FAM83G: variants seen among roughly 807,000 people sequenced by gnomAD.
FAM83G encodes protein FAM83G.
Under a neutral mutation model 61.5 loss-of-function variants are expected in FAM83G, and 38 were observed. The ratio of observed to expected loss-of-function variants is 0.62; its 90% CI spans 0.48 to 0.81. The LOEUF is 0.81. Ranked by LOEUF, FAM83G falls within the 30% of genes least tolerant of loss-of-function variation. FAM83G has a pLI of 0.00. For missense variants in FAM83G, 989 were observed against 1,133.6 expected, an observed-to-expected ratio of 0.87 and a Z score of 1.83; for synonymous variants, 470 against 476.1, an observed-to-expected ratio of 0.99 and a Z score of 0.17.
chr17:18,990,746 A>G (rs1038280714), intron 2 of FAM83G, among the ~76,000 whole-genome samples: 7 of 152,146 alleles, frequency 4.6e-5, no homozygotes, highest in Non-Finnish European at 1.0e-4. Flanking sequence ...GTGGTCAGAG[A>G]TGGGTTTGTA....
Position 18,971,762 on chromosome 17 carries a change from A to C in FAM83G, c.2083-14T>G. 1 of 1,546,852 alleles carries C rather than the reference A, an allele frequency of 6.5e-7. No individual in the cohort carries two copies. Among genetic ancestry groups the C allele is most frequent in the Non-Finnish European group, 8.7e-7 (1 of 1,145,016 alleles). ...AAACTGCTGGCCCTGGGAGAGAGAG[A>C]GCAGAGAGTGAGGCTGAGCAAGAAG... is the stretch of plus-strand genomic sequence containing the variant. On this transcript the variant is annotated splice_polypyrimidine_tract_variant and intron_variant, in intron 5 of 5. Transcript: ENST00000388995. The surrounding 1 kb of genome is among the most constrained non-coding windows in gnomAD (Gnocchi z 5.5).
intron 2 of FAM83G, among the ~76,000 whole-genome samples, chr17:18,990,558 G>C (rs918616123): frequency 6.6e-6 from 1 of 152,208 alleles, no homozygotes; most frequent in Non-Finnish European, 1.5e-5. Context: ...GCTTGGGCTG[G>C]GGGACGTGCC....
At position 18,970,864 on chromosome 17, in the gene FAM83G, C is replaced by T. The variant is rs1459686915; in HGVS notation, c.*495G>A. 1 of 668,966 alleles carries T rather than the reference C, an allele frequency of 1.5e-6. No homozygotes were observed. Among genetic ancestry groups the T allele is most frequent in the African/African-American group, 1.8e-5 (1 of 55,386 alleles). The allele number at this position is 668,966 out of a possible 1,614,324, so 41.4% of individuals were successfully genotyped here. A position where few individuals can be genotyped will look rare whatever the true frequency, so the allele number is the denominator to read the frequency against. On this transcript the variant is annotated 3_prime_UTR_variant, in exon 6 of 6. Transcript: ENST00000388995. Reference sequence around the variant, plus strand: ...AAAAAAAAACAACCCTCTACCCTCACACCTTTCCAAACACTGGGAAAGATG... The same window carrying T: ...AAAAAAAAACAACCCTCTACCCTCATACCTTTCCAAACACTGGGAAAGATG...
At position 18,988,461 on chromosome 17, in the gene FAM83G, G is replaced by A. The variant is rs143893726; in HGVS notation, c.523-47C>T. The A allele has an allele frequency of 3.4e-3, 5,430 of 1,598,324 alleles. 145 individuals are homozygous for A. In the African/African-American group the frequency reaches 0.06, roughly 18 times the overall value. On this transcript the variant is annotated intron_variant, in intron 2 of 5. Transcript: ENST00000388995. ...AGGGCCTGTCAGACAGTGCAGCAGT[G>A]GGGACAGGGTGCCCTGGCAGAGCGC... is the stretch of plus-strand genomic sequence containing the variant.
At chr17:18,986,077 G>C (rs1421427241) in intron 3 of FAM83G, 2 of 152,324 alleles carry the variant, frequency 1.3e-5, no homozygotes, top group African/African-American at 4.8e-5. Flanking sequence ...CACACACCCA[G>C]GACCCACAGC....
At position 18,969,525 on chromosome 17, in the gene FAM83G, G is replaced by A. The variant is rs2042786495; in HGVS notation, c.*1834C>T. The A allele has an allele frequency of 2.7e-6, 3 of 1,127,692 alleles. No homozygotes were observed. Among genetic ancestry groups the A allele is most frequent in the African/African-American group, 1.5e-5 (1 of 64,686 alleles). The allele number at this position is 1,127,692 out of a possible 1,614,324, so 69.9% of individuals were successfully genotyped here. On this transcript the variant is annotated 3_prime_UTR_variant, in exon 6 of 6. Transcript: ENST00000388995. ...GCAGGATTCATGCCGTTGGGGTTCTGGGTAGCATCGCTGGGAGTGGGTGGG... is the reference window on the plus strand; with the variant it reads ...GCAGGATTCATGCCGTTGGGGTTCTAGGTAGCATCGCTGGGAGTGGGTGGG...
chr17:18,979,555 G>A lies in FAM83G; in HGVS notation c.809C>T (p.Ser270Phe). 2 of 1,613,312 alleles carry A rather than the reference G, an allele frequency of 1.2e-6. No individual in the cohort carries two copies. The part of the protein sequence containing the change: ...FVDGDRAVCG[S>F]YSFTWSAART... ...CTGAAAGCTGGAGAGTCACCTGTAG[G>A]AGCCGCACACAGCCCGGTCTCCATC... Residue 270 changes from serine (S) to phenylalanine (F), a missense_variant, in exon 4 of 6, where the codon TCC (serine) becomes TTC (phenylalanine). This residue lies in a region of FAM83G where 371 missense variants were observed against 404.5 expected (regional missense o/e 0.92). Coordinates refer to ENST00000388995, the MANE Select transcript of FAM83G (RefSeq NM_001039999.3).
chr17:18,978,159 G>C lies in FAM83G; in HGVS notation c.1507C>G (p.Pro503Ala). ...GGGACTGTCCGGGGCTTGGGCACGG[G>C]GGGCAATGGCTCAGGGTCCCCCTGG... ...LPQGDPEPLP[P>A]VPKPRTVPVA... is the part of the protein sequence containing the mutation. The change falls in exon 5 of 6, where the codon CCC (proline) becomes GCC (alanine). Residue 503 changes from proline to alanine, a missense_variant. Transcript: ENST00000388995. 1 of 1,531,354 alleles carries C rather than the reference G, an allele frequency of 6.5e-7. No individual in the cohort carries two copies. The highest frequency in any genetic ancestry group is 8.8e-7 in the Non-Finnish European group (1 of 1,142,738). The allele number at this position is 1,531,354 out of a possible 1,614,324, so 94.9% of individuals were successfully genotyped here. A position where few individuals can be genotyped will look rare whatever the true frequency, so the allele number is the denominator to read the frequency against.
At chr17:18,976,805 C>A (rs1341236037) in intron 5 of FAM83G, 1 of 1,603,268 alleles carries the variant, frequency 6.2e-7, no homozygotes, top group South Asian at 1.1e-5. Context: ...AATCCTGACA[C>A]AAGTGTCCCT....
chr17:18,979,550 T>C lies in FAM83G; in HGVS notation c.814A>G (p.Ser272Gly). 6.2e-7 allele frequency: 1 copy of C among 1,613,148 alleles called. No homozygotes were observed. Among genetic ancestry groups the C allele is most frequent in the Non-Finnish European group, 8.5e-7 (1 of 1,179,868 alleles). Residue 272 changes from serine (S) to glycine (G), a missense_variant and splice_region_variant, in exon 4 of 6, where the codon AGC (serine) becomes GGC (glycine). Coordinates refer to ENST00000388995, the MANE Select transcript of FAM83G (RefSeq NM_001039999.3). ...DGDRAVCGSYSFTWSAARTDR... is the reference protein window; with the variant it reads ...DGDRAVCGSYGFTWSAARTDR... The stretch of plus-strand genomic sequence containing the variant: ...CTTCCCTGAAAGCTGGAGAGTCACC[T>C]GTAGGAGCCGCACACAGCCCGGTCT...
At chr17:18,980,802 C>G (rs955666381) in intron 3 of FAM83G, among the ~76,000 whole-genome samples, 1 of 152,110 alleles carries the variant, frequency 6.6e-6, no homozygotes, top group Non-Finnish European at 1.5e-5. Flanking sequence ...AAGAAATGCT[C>G]CTGGGTGCCC....
In FAM83G at chr17:18,968,863, G is replaced by C. The variant is rs1483463741; in HGVS notation, c.*2496C>G. On this transcript the variant is annotated 3_prime_UTR_variant, in exon 6 of 6. Transcript: ENST00000388995. This position sits in a 1 kb window ranked among gnomAD's most constrained non-coding sequence, Gnocchi z 4.1. ...CCCCTGACATCCGCACAAGCTTGTA[G>C]CTCCACGGCCAGGTCTTCCCCCAAC... is the stretch of plus-strand genomic sequence containing the variant. 8 of 591,598 alleles carry C rather than the reference G, an allele frequency of 1.4e-5. No individual in the cohort carries two copies. The highest frequency in any genetic ancestry group is 8.4e-5 in the South Asian group (4 of 47,654). 36.6% of individuals were successfully genotyped at this position (591,598 alleles called of 1,614,324 possible).
At chr17:18,990,861 G>A (rs1374461541) in intron 2 of FAM83G, among the ~76,000 whole-genome samples, 7 of 152,210 alleles carry the variant, frequency 4.6e-5, no homozygotes, top group African/African-American at 1.7e-4. Context: ...TTTCTTGGGG[G>A]CCCTTGAGTC....
Position 19,004,243 on chromosome 17 carries a change from C to A in FAM83G, c.-128-74G>T, listed in dbSNP as rs1179676441. 1.9e-6 allele frequency: 1 copy of A among 535,630 alleles called. No individual in the cohort carries two copies. Among genetic ancestry groups the A allele is most frequent in the African/African-American group, 2.0e-5 (1 of 48,848 alleles). The allele number at this position is 535,630 out of a possible 1,614,324, so 33.2% of individuals were successfully genotyped here. ...GCGGGGAGGGGCGGCGGGGGCGGGGCCGGGAACTCAGGTGGGCGTGGGAAG... is the reference window on the plus strand; with the variant it reads ...GCGGGGAGGGGCGGCGGGGGCGGGGACGGGAACTCAGGTGGGCGTGGGAAG... On this transcript the variant is annotated intron_variant, in intron 1 of 5. Transcript: ENST00000388995. This position sits in a 1 kb window ranked among gnomAD's most constrained non-coding sequence, Gnocchi z 5.4.
At chr17:18,983,618 A>G (rs1339791366) in intron 3 of FAM83G, among the ~76,000 whole-genome samples, 1 of 152,174 alleles carries the variant, frequency 6.6e-6, no homozygotes, top group Non-Finnish European at 1.5e-5. Flanking sequence ...ACAGAGCCCA[A>G]CATAGCAGCA....
At chr17:18,998,727 T>C (rs961539731) in intron 2 of FAM83G, among the ~76,000 whole-genome samples, 3 of 152,212 alleles carry the variant, frequency 2.0e-5, no homozygotes, top group African/African-American at 7.2e-5. Context: ...ACACCTGGGA[T>C]TACTTTATCA....
chr17:19,004,162 T>A lies in FAM83G; in HGVS notation c.-121A>T, dbSNP rs1194847648. Reference sequence around the variant, plus strand: ...TCCGCGGCCTCTGCTTCTCTGCCCATGAGCAATCTGCGGGAAAGACCTGAT... The same window carrying A: ...TCCGCGGCCTCTGCTTCTCTGCCCAAGAGCAATCTGCGGGAAAGACCTGAT... On this transcript the variant is annotated 5_prime_UTR_variant, in exon 2 of 6. The change abolishes an upstream ATG in the 5' untranslated region. Coordinates refer to ENST00000388995, the MANE Select transcript of FAM83G (RefSeq NM_001039999.3). This position sits in a 1 kb window ranked among gnomAD's most constrained non-coding sequence, Gnocchi z 5.4. 2 of 936,708 alleles carry A rather than the reference T, an allele frequency of 2.1e-6. No homozygotes were observed. The highest frequency in any genetic ancestry group is 1.7e-5 in the South Asian group (1 of 57,528). The allele number at this position is 936,708 out of a possible 1,614,324, so 58.0% of individuals were successfully genotyped here. A position where few individuals can be genotyped will look rare whatever the true frequency, so the allele number is the denominator to read the frequency against.
At chr17:18,991,173 A>C (rs1248711319) in intron 2 of FAM83G, among the ~76,000 whole-genome samples, 1 of 152,188 alleles carries the variant, frequency 6.6e-6, no homozygotes, top group African/African-American at 2.4e-5. Flanking sequence ...CACTTGTGAC[A>C]CCATGAGCTC....
In FAM83G at chr17:18,969,137, C is replaced by T; in HGVS notation, c.*2222G>A. The T allele has an allele frequency of 6.2e-7, 1 of 1,614,038 alleles. No individual in the cohort carries two copies. Among genetic ancestry groups the T allele is most frequent in the Non-Finnish European group, 8.5e-7 (1 of 1,179,948 alleles). ...TCCACCATCCTCACGCTCGGCATCA[C>T]AGCCCTGTACACCATCGCAGGTATG... On this transcript the variant is annotated 3_prime_UTR_variant, in exon 6 of 6. Transcript: ENST00000388995.
Sources: allele counts gnomAD v4.1 joint callset (sites outside exome capture counted in the v4.1 genomes callset), GRCh38; gene constraint gnomAD v4.1.1; regional missense constraint gnomAD v4.1.1; non-coding constraint Gnocchi (gnomAD v3.1); transcripts MANE v1.5; gene names NCBI Gene and HGNC (gene_info 2026-07-23, HGNC 2026-07-21).